Variants in DDX46 observed in about 807,000 individuals in gnomAD.
DDX46 encodes DEAD-box helicase 46.
A neutral mutation model predicts 134.9 loss-of-function variants in DDX46; 30 were observed. The observed-to-expected ratio is 0.22, with a 90% CI of 0.17 to 0.30. The LOEUF (loss-of-function observed/expected upper bound fraction) is 0.30, where lower values mean the gene tolerates loss of function less well. Among genes scored for constraint, DDX46 ranks in the 10% least tolerant of loss-of-function variants. DDX46 has a pLI of 1.00. For synonymous variants in DDX46, 415 were observed against 404.1 expected, an observed-to-expected ratio of 1.03 and a Z score of -0.32; for missense variants, 622 against 1,248.7, an observed-to-expected ratio of 0.50 and a Z score of 7.56.
intron 18 of DDX46, among the ~76,000 whole-genome samples, chr5:134,814,250 C>T (rs1025105434): frequency 2.0e-5 from 3 of 151,966 alleles, no homozygotes; most frequent in South Asian, 2.1e-4. Context: ...TATGTCGGTG[C>T]GGTACTATCT....
At chr5:134,786,668 C>T (rs1346112951) in intron 11 of DDX46, among the ~76,000 whole-genome samples, 2 of 152,106 alleles carry the variant, frequency 1.3e-5, no homozygotes, top group Non-Finnish European at 2.9e-5. Context: ...CATGGCGAGA[C>T]TCCCCGTCTC....
chr5:134,808,118 C>G (rs918208107), intron 16 of DDX46, among the ~76,000 whole-genome samples, 177 bp downstream of exon 16: 2 of 152,102 alleles, frequency 1.3e-5, no homozygotes, highest in South Asian at 4.1e-4. Flanking sequence ...AAGTGTTGTT[C>G]AAATTATCAG....
chr5:134,770,517 A>G (rs962486078), intron 3 of DDX46, among the ~76,000 whole-genome samples: 3 of 152,156 alleles, frequency 2.0e-5, no homozygotes, highest in Non-Finnish European at 2.9e-5. Flanking sequence ...CCCCACCTGT[A>G]AAAGTATTTT....
At position 134,772,415 on chromosome 5, in the gene DDX46, G is replaced by A. The variant is rs573714530; in HGVS notation, c.448-1281G>A. ...TATGTGCCTGTAATCCCAGCTACTC[G>A]GGAGGCTGAGATAGGAGAATGGCTT... On this transcript the variant is annotated intron_variant, in intron 4 of 22. Transcript: ENST00000452510. 5.3e-5 allele frequency among the ~76,000 whole-genome samples: 8 copies of A among 152,026 alleles called. No individual in the cohort carries two copies. In the East Asian group the frequency reaches 7.7e-4, roughly 15 times the overall value.
chr5:134,796,096 G>A lies in DDX46; in HGVS notation c.1900G>A (p.Gly634Ser). 1 of 1,613,838 alleles carries A rather than the reference G, an allele frequency of 6.2e-7. No homozygotes were observed. The highest frequency in any genetic ancestry group is 8.5e-7 in the Non-Finnish European group (1 of 1,179,928). The change falls in exon 15 of 23, where the codon GGT (glycine) becomes AGT (serine). Residue 634 changes from glycine (G) to serine (S), a missense_variant. Coordinates refer to ENST00000452510, the MANE Select transcript of DDX46 (RefSeq NM_001300860.2). The part of the protein sequence containing the change: ...IFVDKQEHAD[G>S]LLKDLMRASY... ...TGTGGATAAGCAGGAACATGCTGAT[G>A]GTCTTCTTAAGGATTTAATGAGAGC...
intron 21 of DDX46, among the ~76,000 whole-genome samples, chr5:134,821,513 T>A (rs1486946589): frequency 5.9e-5 from 9 of 151,384 alleles, no homozygotes. Context: ...CCATTTTGAT[T>A]TGCTCTTGTT....
intron 3 of DDX46, among the ~76,000 whole-genome samples, chr5:134,769,630 T>C (rs890990949): frequency 1.4e-4 from 21 of 148,764 alleles, no homozygotes; most frequent in Non-Finnish European, 2.8e-4. Flanking sequence ...AACCTCCGCC[T>C]CCCGAGTTCA....
intron 3 of DDX46, among the ~76,000 whole-genome samples, chr5:134,769,902 C>T (rs1030831657): frequency 6.6e-5 from 10 of 152,170 alleles, no homozygotes; most frequent in African/African-American, 2.4e-4. Context: ...ACCTCGTGAT[C>T]TGCCTGCCTT....
At position 134,811,170 on chromosome 5, in the gene DDX46, A is replaced by G. The variant is rs1336543865; in HGVS notation, c.2149-51A>G. The stretch of plus-strand genomic sequence containing the variant: ...TCAGATTTTATCTTATGATCTAAGT[A>G]GGATCCATCTTGTTAGTGTCTAATA... On this transcript the variant is annotated intron_variant, in intron 16 of 22. Transcript: ENST00000452510. 4 of 1,525,504 alleles carry G rather than the reference A, an allele frequency of 2.6e-6. No individual in the cohort carries two copies. The African/African-American group carries it at 5.5e-5, about 21-fold the overall frequency. 94.5% of individuals were successfully genotyped at this position (1,525,504 alleles called of 1,614,324 possible).
At chr5:134,785,693 T>A in intron 11 of DDX46, 107 bp downstream of exon 11, 2 of 1,268,310 alleles carry the variant, frequency 1.6e-6, no homozygotes, top group Non-Finnish European at 2.1e-6. Flanking sequence ...TGATTGCTTC[T>A]AAAATCATTT....
intron 1 of DDX46, 92 bp downstream of exon 1, chr5:134,759,047 G>A: frequency 6.4e-7 from 1 of 1,560,954 alleles, no homozygotes; most frequent in Non-Finnish European, 8.6e-7. Flanking sequence ...GGCCAGGCCT[G>A]GCGCGGCCCC....
chr5:134,769,549 T>C (rs1448616551), intron 3 of DDX46, among the ~76,000 whole-genome samples: 1 of 150,048 alleles, frequency 6.7e-6, no homozygotes, highest in Non-Finnish European at 1.5e-5. Context: ...TTGTTTTTTT[T>C]TTTTTTTTGA....
intron 15 of DDX46, among the ~76,000 whole-genome samples, chr5:134,805,368 A>G (rs1290605124): frequency 1.3e-5 from 2 of 151,780 alleles, no homozygotes; most frequent in African/African-American, 2.4e-5. Flanking sequence ...GAGTTTCACC[A>G]TGTTCACTAG....
chr5:134,825,491 C>A (rs372499340), intron 21 of DDX46, among the ~76,000 whole-genome samples: 1 of 152,126 alleles, frequency 6.6e-6, no homozygotes, highest in Non-Finnish European at 1.5e-5. Flanking sequence ...AGAAAAGTTA[C>A]TCATTTCTAA....
intron 21 of DDX46, among the ~76,000 whole-genome samples, chr5:134,820,956 C>T (rs1199473800): frequency 6.7e-6 from 1 of 149,928 alleles, no homozygotes; most frequent in South Asian, 2.1e-4. Flanking sequence ...ACTCCCACCT[C>T]CTGGGTTCAA....
Position 134,782,618 on chromosome 5 carries a change from C to G in DDX46, c.1046-327C>G, listed in dbSNP as rs145351416. On this transcript the variant is annotated intron_variant, in intron 8 of 22. Coordinates refer to ENST00000452510, the MANE Select transcript of DDX46 (RefSeq NM_001300860.2). ...CTGTAGCCTTGATTTCCTACCACAC[C>G]CCCCGTTCCCACCCCAGGCTCAGGT... is the stretch of plus-strand genomic sequence containing the variant. Among the ~76,000 whole-genome samples, 800 of 152,048 alleles carry G rather than the reference C, an allele frequency of 5.3e-3. 6 individuals are homozygous for G. Among genetic ancestry groups the G allele is most frequent in the Non-Finnish European group, 8.2e-3 (555 of 67,968 alleles).
chr5:134,795,608 G>A (rs1312820869), intron 14 of DDX46, among the ~76,000 whole-genome samples: 1 of 152,152 alleles, frequency 6.6e-6, no homozygotes, highest in Non-Finnish European at 1.5e-5. Flanking sequence ...ACTCATGCCT[G>A]TAATCCCAGT....
In DDX46 at chr5:134,784,432, T is replaced by C. The variant is rs1754269149; in HGVS notation, c.1233T>C (p.Asp411=). The C allele has an allele frequency of 1.2e-6, 2 of 1,614,012 alleles. No individual in the cohort carries two copies. Among genetic ancestry groups the C allele is most frequent in the African/African-American group, 1.3e-5 (1 of 74,920 alleles). Residue 411 remains aspartate (D), a synonymous_variant, in exon 10 of 23, where the codon GAT becomes GAC. Coordinates refer to ENST00000452510, the MANE Select transcript of DDX46 (RefSeq NM_001300860.2). ...QAIPAIMSGR[D]LIGIAKTGSG... ...TTCCTGCTATAATGTCTGGACGAGA[T>C]TTGATTGGCATTGCCAAAACAGGAA...
chr5:134,775,337 T>G (rs1363976870), intron 5 of DDX46, among the ~76,000 whole-genome samples: 1 of 152,238 alleles, frequency 6.6e-6, no homozygotes, highest in Non-Finnish European at 1.5e-5. Context: ...TAGGAGATTG[T>G]AGAATTTTAT....
Sources: allele counts gnomAD v4.1 joint callset (sites outside exome capture counted in the v4.1 genomes callset), GRCh38; gene constraint gnomAD v4.1.1; transcripts MANE v1.5; gene names NCBI Gene and HGNC (gene_info 2026-07-23, HGNC 2026-07-21).